The following ADGRF5 variants were observed in gnomAD, a reference collection of about 807,000 sequenced individuals.
The protein encoded by ADGRF5 is adhesion G protein-coupled receptor F5.
In ADGRF5, 75 loss-of-function variants were observed where a neutral mutation model predicts 132.3. The observed-to-expected ratio is 0.57, with a 90% CI of 0.47 to 0.69. The LOEUF is 0.69. Among genes scored for constraint, ADGRF5 ranks in the 30% least tolerant of loss-of-function variants. The pLI, the probability that ADGRF5 is intolerant of heterozygous loss-of-function variation, is 0.00. For synonymous variants in ADGRF5, 629 were observed against 597.6 expected (o/e 1.05, Z -0.77); for missense variants, 1,516 against 1,630.6 (o/e 0.93, Z 1.21).
intron 10 of ADGRF5, among the ~76,000 whole-genome samples, chr6:46,875,297 T>A (rs938976389): frequency 2.0e-5 from 3 of 152,206 alleles, no homozygotes; most frequent in Non-Finnish European, 4.4e-5. Flanking sequence ...GAGCCCTGCA[T>A]GGGAGGTACT....
intron 1 of ADGRF5, among the ~76,000 whole-genome samples, chr6:46,946,400 T>C (rs1437859395): frequency 6.6e-6 from 1 of 152,150 alleles, no homozygotes; most frequent in Admixed American, 6.5e-5. Context: ...TGGGGTAGCG[T>C]AGACAGAACA....
chr6:46,937,017 G>A (rs1053465616), intron 1 of ADGRF5, among the ~76,000 whole-genome samples: 1 of 152,092 alleles, frequency 6.6e-6, no homozygotes, highest in African/African-American at 2.4e-5. Context: ...TACTTAATGA[G>A]AGGCAACCCA....
intron 3 of ADGRF5, among the ~76,000 whole-genome samples, chr6:46,897,977 A>C (rs1317528991): frequency 1.3e-5 from 2 of 152,224 alleles, no homozygotes; most frequent in Non-Finnish European, 2.9e-5. Context: ...GGGTTGATTC[A>C]TTAACACTTC....
At chr6:46,886,735 C>T (rs1442346972) in intron 4 of ADGRF5, 2 of 152,220 alleles carry the variant, frequency 1.3e-5, no homozygotes, top group African/African-American at 4.8e-5. Context: ...ACATTAGTGC[C>T]ATGGTCAGTA....
intron 1 of ADGRF5, among the ~76,000 whole-genome samples, chr6:46,913,044 C>T (rs1776096989): frequency 6.6e-6 from 1 of 152,162 alleles, no homozygotes; most frequent in Non-Finnish European, 1.5e-5. Flanking sequence ...AATAAATTTG[C>T]CTTTCTTTAC....
chr6:46,862,055 C>T (rs1477100794), intron 15 of ADGRF5, among the ~76,000 whole-genome samples: 1 of 151,648 alleles, frequency 6.6e-6, no homozygotes, highest in Non-Finnish European at 1.5e-5. Flanking sequence ...CTTGACAGCA[C>T]CTATAATCAT....
intron 4 of ADGRF5, among the ~76,000 whole-genome samples, chr6:46,885,241 A>G (rs912839492): frequency 9.2e-5 from 14 of 151,798 alleles, no homozygotes; most frequent in African/African-American, 3.1e-4. Context: ...AGGAAGAAAG[A>G]AAAAACAGAA....
intron 11 of ADGRF5, among the ~76,000 whole-genome samples, chr6:46,870,330 AT>A (rs1770915822): frequency 6.6e-6 from 1 of 151,682 alleles, no homozygotes; most frequent in African/African-American, 2.4e-5. Context: ...TTTTATTTTT[AT>A]TTTTTATTGG....
At chr6:46,950,096 C>T (rs557521837) in intron 1 of ADGRF5, among the ~76,000 whole-genome samples, 3 of 152,218 alleles carry the variant, frequency 2.0e-5, no homozygotes, top group South Asian at 2.1e-4. Context: ...TAGCTTTGAG[C>T]GGGAAGGGAC....
At chr6:46,871,719 C>A in intron 11 of ADGRF5, 124 bp downstream of exon 11, 1 of 598,040 alleles carries the variant, frequency 1.7e-6, no homozygotes, top group South Asian at 3.7e-5. Flanking sequence ...GTGATTTGCC[C>A]TAACCACACT....
At chr6:46,882,338 A>G (rs1418763913) in intron 6 of ADGRF5, among the ~76,000 whole-genome samples, 1 of 152,054 alleles carries the variant, frequency 6.6e-6, no homozygotes, top group African/African-American at 2.4e-5. Flanking sequence ...TTACTCAGGG[A>G]AATGTCTAGG....
chr6:46,890,551 T>C (rs1773549760), intron 3 of ADGRF5, among the ~76,000 whole-genome samples: 3 of 151,778 alleles, frequency 2.0e-5, no homozygotes, highest in Admixed American at 2.0e-4. Context: ...ACCCCGTCTC[T>C]ACTAAAAGTA....
At chr6:46,884,758 C>G (rs1328508022) in intron 4 of ADGRF5, among the ~76,000 whole-genome samples, 1 of 152,202 alleles carries the variant, frequency 6.6e-6, no homozygotes, top group African/African-American at 2.4e-5. Flanking sequence ...TGCTCTCTCT[C>G]TTTCTCTTTC....
At chr6:46,953,655 A>ATATATATATATATATATG (rs1778593807) in intron 1 of ADGRF5, among the ~76,000 whole-genome samples, 1 of 22,076 alleles carries the variant, frequency 4.5e-5, no homozygotes, top group Admixed American at 6.5e-4. Flanking sequence ...ATATGTGTAT[A>ATATATATATATATATATG]TATATATATA....
intron 4 of ADGRF5, chr6:46,886,932 G>T (rs1349927127): frequency 6.6e-6 from 1 of 152,130 alleles, no homozygotes; most frequent in Non-Finnish European, 1.5e-5. Context: ...ATGTGTGAAT[G>T]ACCAGTCTTT....
At chr6:46,903,749 A>T (rs1258951147) in intron 2 of ADGRF5, among the ~76,000 whole-genome samples, 1 of 152,166 alleles carries the variant, frequency 6.6e-6, no homozygotes, top group African/African-American at 2.4e-5. Flanking sequence ...GCATATTCAG[A>T]GGGGTTTATT....
Position 46,906,802 on chromosome 6 carries a change from G to T in ADGRF5, c.-24-16C>A. 1.0e-6 allele frequency: 1 copy of T among 996,478 alleles called. No homozygotes were observed. The highest frequency in any genetic ancestry group is 1.6e-6 in the Non-Finnish European group (1 of 617,356). 61.7% of individuals were successfully genotyped at this position (996,478 alleles called of 1,614,324 possible). Reference sequence around the variant, plus strand: ...GTTGGTTGGCCTGAAATGGAAATATGATGGTTTAGATATACAGCAATTTAT... The same window carrying T: ...GTTGGTTGGCCTGAAATGGAAATATTATGGTTTAGATATACAGCAATTTAT... On this transcript the variant is annotated splice_polypyrimidine_tract_variant and intron_variant, in intron 1 of 20. Coordinates refer to ENST00000283296, the MANE Select transcript of ADGRF5 (RefSeq NM_001098518.2).
At chr6:46,888,935 A>G in intron 3 of ADGRF5, among the ~76,000 whole-genome samples, 1 of 152,118 alleles carries the variant, frequency 6.6e-6, no homozygotes, top group Non-Finnish European at 1.5e-5. Context: ...CCCTTAGCCT[A>G]TGGAAACAGC....
At chr6:46,885,980 C>G (rs572877435) in intron 4 of ADGRF5, among the ~76,000 whole-genome samples, 2 of 152,146 alleles carry the variant, frequency 1.3e-5, no homozygotes, top group Non-Finnish European at 2.9e-5. Context: ...CAATAGATAA[C>G]AAATGTAGAG....
Sources: gnomAD v4.1 joint callset for allele counts (sites outside exome capture counted in the v4.1 genomes callset) on GRCh38, gnomAD v4.1.1 for gene constraint, MANE v1.5 for transcripts, NCBI Gene and HGNC (gene_info 2026-07-23, HGNC 2026-07-21) for gene names.